The following ELAPOR1 variants were observed in gnomAD, a reference collection of about 807,000 sequenced individuals.
ELAPOR1 encodes the protein endosome/lysosome-associated apoptosis and autophagy regulator 1.
A neutral mutation model predicts 119.7 loss-of-function variants in ELAPOR1; 77 were observed. The observed-to-expected ratio is 0.64, with a 90% CI of 0.54 to 0.78. The LOEUF is 0.78. Ranked by LOEUF, ELAPOR1 falls within the 30% of genes least tolerant of loss-of-function variation. The pLI is 0.00. For synonymous variants in ELAPOR1, 481 were observed against 487.2 expected (o/e 0.99, Z 0.17); for missense variants, 1,115 against 1,270.4 (o/e 0.88, Z 1.86).
At chr1:109,173,226 C>T (rs1168074756) in intron 5 of ELAPOR1, among the ~76,000 whole-genome samples, 4 of 151,928 alleles carry the variant, frequency 2.6e-5, no homozygotes, top group East Asian at 1.9e-4. Context: ...TTACTGGTCT[C>T]ACCATAAGAG....
chr1:109,188,403 G>A (rs1453353599), intron 9 of ELAPOR1, 49 bp downstream of exon 9: 3 of 1,559,202 alleles, frequency 1.9e-6, no homozygotes, highest in Non-Finnish European at 2.6e-6. Context: ...CTGTGTGGGT[G>A]GGCTGTGTGG....
Position 109,185,100 on chromosome 1 carries a change from C to G in ELAPOR1, c.1008C>G (p.Phe336Leu). 6.2e-7 allele frequency: 1 copy of G among 1,614,148 alleles called. No homozygotes were observed. Among genetic ancestry groups the G allele is most frequent in the Non-Finnish European group, 8.5e-7 (1 of 1,180,000 alleles). ...VRPACTDKDY[F>L]YTHTACDANG... ...CAGCTTGCACAGACAAAGATTATTT[C>G]TACACACACACGGCCTGCGATGCCA... The change falls in exon 8 of 22, where the codon TTC becomes TTG. Residue 336 changes from phenylalanine (F) to leucine (L), a missense_variant. Physicochemically the swap from Phe to Leu is conservative, Grantham distance 22 (BLOSUM62 0). Coordinates refer to ENST00000369939, the MANE Select transcript of ELAPOR1 (RefSeq NM_020775.5).
chr1:109,176,983 GAA>G (rs1270917368), intron 7 of ELAPOR1, among the ~76,000 whole-genome samples: 4 of 140,540 alleles, frequency 2.8e-5, no homozygotes, highest in Non-Finnish European at 6.1e-5. Flanking sequence ...AGAACAAAAT[GAA>G]AAGTCTCCCA....
At chr1:109,122,979 A>G (rs1351341897) in intron 1 of ELAPOR1, among the ~76,000 whole-genome samples, 1 of 152,186 alleles carries the variant, frequency 6.6e-6, no homozygotes, top group African/African-American at 2.4e-5. Context: ...TTTGCTGTAT[A>G]ACAATCCACC....
At chr1:109,197,713 GTA>G (rs1653916061) in intron 16 of ELAPOR1, 59 bp downstream of exon 16, 18 of 1,449,404 alleles carry the variant, frequency 1.2e-5, no homozygotes, top group Middle Eastern at 1.9e-4. Flanking sequence ...GTGTGTGTGT[GTA>G]TGTGTAAGAG....
At chr1:109,134,533 A>G (rs184283224) in intron 1 of ELAPOR1, among the ~76,000 whole-genome samples, 2 of 152,078 alleles carry the variant, frequency 1.3e-5, no homozygotes, top group Non-Finnish European at 2.9e-5. Flanking sequence ...CCCTCTGTGT[A>G]ACATAAAAAA....
Position 109,200,853 on chromosome 1 carries a change from A to G in ELAPOR1, c.2926A>G (p.Thr976Ala). ...GEDVEDDLIF[T>A]SKKSLFGKIK... ...GGATGTAGAGGACGACCTCATCTTT[A>G]CCAGCAAGAAGTCACTCTTTGGGAA... Residue 976 changes from threonine (T) to alanine (A), a missense_variant, in exon 21 of 22, where the codon ACC becomes GCC. Thr to Ala is a moderately conservative substitution (Grantham distance 58, BLOSUM62 0). Coordinates refer to ENST00000369939, the MANE Select transcript of ELAPOR1 (RefSeq NM_020775.5). The G allele has an allele frequency of 6.2e-7, 1 of 1,614,198 alleles. No individual in the cohort carries two copies. Among genetic ancestry groups the G allele is most frequent in the Non-Finnish European group, 8.5e-7 (1 of 1,180,034 alleles).
chr1:109,165,642 A>G (rs1651550285), intron 3 of ELAPOR1, among the ~76,000 whole-genome samples: 2 of 151,596 alleles, frequency 1.3e-5, no homozygotes, highest in Non-Finnish European at 2.9e-5. Flanking sequence ...CCGGATTTCC[A>G]CCACGGAATT....
At chr1:109,201,970 C>T (rs1329966833) in intron 21 of ELAPOR1, among the ~76,000 whole-genome samples, 3 of 152,142 alleles carry the variant, frequency 2.0e-5, no homozygotes, top group African/African-American at 7.2e-5. Context: ...TGTTGTGGAG[C>T]ATGCCAGTAG....
At chr1:109,157,168 T>G (rs1650931603) in intron 1 of ELAPOR1, among the ~76,000 whole-genome samples, 1 of 152,248 alleles carries the variant, frequency 6.6e-6, no homozygotes, top group South Asian at 2.1e-4. Context: ...AGACACAGTA[T>G]GTAAGTGTGA....
intron 1 of ELAPOR1, among the ~76,000 whole-genome samples, chr1:109,158,001 C>T (rs868008370): frequency 6.6e-6 from 1 of 152,204 alleles, no homozygotes; most frequent in African/African-American, 2.4e-5. Flanking sequence ...CATCCTCCCA[C>T]CTTGGCCTGC....
intron 7 of ELAPOR1, 92 bp from the exon 8 acceptor site, chr1:109,184,953 C>A: frequency 1.1e-6 from 1 of 909,940 alleles, no homozygotes; most frequent in Non-Finnish European, 1.8e-6. Flanking sequence ...GGCAATGCAC[C>A]CAGGGACTTG....
intron 2 of ELAPOR1, among the ~76,000 whole-genome samples, chr1:109,163,472 A>G (rs1651391187): frequency 6.6e-6 from 1 of 152,172 alleles, no homozygotes; most frequent in Non-Finnish European, 1.5e-5. Flanking sequence ...ATAGCTCTGT[A>G]GCCTCGACCT....
intron 1 of ELAPOR1, among the ~76,000 whole-genome samples, chr1:109,135,981 G>T (rs1649442995): frequency 6.6e-6 from 1 of 152,190 alleles, no homozygotes; most frequent in Non-Finnish European, 1.5e-5. Flanking sequence ...GAGGTAACAT[G>T]ATTCTGCTTT....
intron 7 of ELAPOR1, among the ~76,000 whole-genome samples, chr1:109,182,338 AT>A (rs1652749369): frequency 1.5e-4 from 1 of 6,734 alleles, no homozygotes; most frequent in Non-Finnish European, 5.6e-4. Context: ...TCAAAAAATA[AT>A]AATAATAATA....
chr1:109,177,299 A>G (rs1652385299), intron 7 of ELAPOR1, among the ~76,000 whole-genome samples: 1 of 143,070 alleles, frequency 7.0e-6, no homozygotes, highest in South Asian at 2.3e-4. Context: ...CACTTCCCAG[A>G]CGGGGTGGCT....
chr1:109,196,037 T>A lies in ELAPOR1; in HGVS notation c.2122-1437T>A, dbSNP rs1380335151. Among the ~76,000 whole-genome samples the A allele has an allele frequency of 3.7e-4, 57 of 152,058 alleles. 1 individual carries two copies. Among genetic ancestry groups the A allele is most frequent in the Non-Finnish European group, 5.9e-5 (4 of 68,024 alleles). On this transcript the variant is annotated intron_variant, in intron 15 of 21. Transcript: ENST00000369939. ...CCGGCATGGTGGCACACATCTGTAA[T>A]CCCAGCTACTCGGGAGGCTGAGGCA...
At position 109,185,059 on chromosome 1, in the gene ELAPOR1, T is replaced by G; in HGVS notation, c.967T>G (p.Ser323Ala). The change falls in exon 8 of 22, where the codon TCC (serine) becomes GCC (alanine). Residue 323 changes from serine (S) to alanine (A), a missense_variant. Transcript: ENST00000369939. Reference sequence around the variant, plus strand: ...TGGCAATTTAGAGAAAGGATCTTCTTCCTGTAACGTGCGCCCAGCTTGCAC... The same window carrying G: ...TGGCAATTTAGAGAAAGGATCTTCTGCCTGTAACGTGCGCCCAGCTTGCAC... ...PDKYSEKGSS[S>A]CNVRPACTDK... 6.2e-7 allele frequency: 1 copy of G among 1,614,038 alleles called. No individual in the cohort carries two copies. Among genetic ancestry groups the G allele is most frequent in the Non-Finnish European group, 8.5e-7 (1 of 1,179,882 alleles).
chr1:109,202,971 C>T lies in ELAPOR1; in HGVS notation c.3001C>T (p.Pro1001Ser), dbSNP rs748105344. 4 of 1,613,666 alleles carry T rather than the reference C, an allele frequency of 2.5e-6. No individual in the cohort carries two copies. The South Asian group carries it at 4.4e-5, about 18-fold the overall frequency. Residue 1001 changes from proline to serine, a missense_variant, in exon 22 of 22, where the codon CCG becomes TCG. By Grantham distance (74) the Pro-to-Ser change is moderately conservative. Coordinates refer to ENST00000369939, the MANE Select transcript of ELAPOR1 (RefSeq NM_020775.5). The part of the protein sequence containing the change: ...KRTPDGFDSV[P>S]LKTSSGGLDM... ...GACTCCTGATGGATTTGACTCAGTG[C>T]CGCTGAAGACATCCTCAGGAGGCCT...
Sources: gnomAD v4.1 joint callset for allele counts (sites outside exome capture counted in the v4.1 genomes callset) on GRCh38, gnomAD v4.1.1 for gene constraint, MANE v1.5 for transcripts, NCBI Gene and HGNC (gene_info 2026-07-23, HGNC 2026-07-21) for gene names.